Variants in KDM5A observed in about 807,000 individuals in gnomAD.
KDM5A encodes lysine-specific demethylase 5A.
A neutral mutation model predicts 193.5 loss-of-function variants in KDM5A; 42 were observed. That is an observed-to-expected ratio of 0.22 (90% CI 0.17 to 0.28). The LOEUF is 0.28. Among genes scored for constraint, KDM5A ranks in the 10% least tolerant of loss-of-function variants. The probability of loss-of-function intolerance (pLI) is 1.00; values close to 1 mark genes in which losing one functional copy is unlikely to be tolerated. For missense variants in KDM5A, 1,692 were observed against 2,055.1 expected (o/e 0.82, Z 3.42); for synonymous variants, 796 against 718.1 (o/e 1.11, Z -1.73).
intron 10 of KDM5A, among the ~76,000 whole-genome samples, chr12:341,262 T>C (rs1011735665): frequency 1.3e-5 from 2 of 152,202 alleles, no homozygotes; most frequent in African/African-American, 4.8e-5. Flanking sequence ...TACATTTCTT[T>C]ATAGATACTT....
chr12:383,946 G>A (rs1358080440), intron 3 of KDM5A, 85 bp downstream of exon 3: 1 of 1,389,238 alleles, frequency 7.2e-7, no homozygotes, highest in African/African-American at 1.4e-5. Context: ...ATCCTCTATT[G>A]GAAGCAATGT....
At chr12:334,524 A>G in intron 10 of KDM5A, 102 bp from the exon 11 acceptor site, 1 of 837,516 alleles carries the variant, frequency 1.2e-6, no homozygotes, top group Non-Finnish European at 2.0e-6. Context: ...TAATATTTAT[A>G]ATAGTCTAGT....
rs764559792 is a variant in KDM5A, at chr12:362,991, G to A, written c.644C>T (p.Pro215Leu). The A allele has an allele frequency of 1.5e-5, 24 of 1,613,892 alleles. No individual in the cohort carries two copies. Among genetic ancestry groups the A allele is most frequent in the East Asian group, 2.2e-5 (1 of 44,890 alleles). ...PEPGTRMNIL[P>L]KRTRRVKTQS... is the part of the protein sequence containing the mutation. ...AGTCTTCACACGTCTTGTTCTCTTC[G>A]GCAGAATGTTCATCCTTGTGCCTGG... Residue 215 changes from proline to leucine, a missense_variant, in exon 5 of 28, where the codon CCG (proline) becomes CTG (leucine). This residue lies in a region of KDM5A where 134 missense variants were observed against 124.2 expected (regional missense o/e 1.08). Transcript: ENST00000399788.
At chr12:300,828 TAAAA>T (rs1943432574) in intron 24 of KDM5A, among the ~76,000 whole-genome samples, 1 of 151,818 alleles carries the variant, frequency 6.6e-6, no homozygotes, top group Non-Finnish European at 1.5e-5. Flanking sequence ...ATAGATGCAA[TAAAA>T]AATGATAAAG....
chr12:300,437 G>C (rs1943427862), intron 24 of KDM5A, among the ~76,000 whole-genome samples: 1 of 152,008 alleles, frequency 6.6e-6, no homozygotes, highest in Non-Finnish European at 1.5e-5. Context: ...ATGACTACTG[G>C]GTACATAAAG....
chr12:309,879 T>G lies in KDM5A; in HGVS notation c.3302A>C (p.Lys1101Thr). 6.2e-7 allele frequency: 1 copy of G among 1,613,854 alleles called. No homozygotes were observed. The highest frequency in any genetic ancestry group is 8.5e-7 in the Non-Finnish European group (1 of 1,179,924). The change falls in exon 22 of 28, where the codon AAA (lysine) becomes ACA (threonine). Residue 1101 changes from lysine to threonine, a missense_variant. Lys to Thr is a moderately conservative substitution (Grantham distance 78). Around this residue, in one of 11 missense-constraint regions of KDM5A, gnomAD observed 965 missense variants for 1,061.0 expected, o/e 0.91. Transcript: ENST00000399788. ...KKVKELIEKE[K>T]EKDLDLEPLS... ...AGGCTCCAGGTCCAGATCCTTTTCT[T>G]TTTCTTTTTCTATTAGTTCTTTTAC...
intron 13 of KDM5A, among the ~76,000 whole-genome samples, chr12:329,643 T>C (rs1292764561): frequency 2.6e-5 from 4 of 152,030 alleles, no homozygotes; most frequent in Admixed American, 2.0e-4. Flanking sequence ...AGAAAGATAA[T>C]TCAAAGTGAA....
intron 13 of KDM5A, among the ~76,000 whole-genome samples, chr12:330,671 G>A (rs1943853773): frequency 6.6e-6 from 1 of 152,196 alleles, no homozygotes; most frequent in Admixed American, 6.5e-5. Context: ...CCTAAGCCTA[G>A]TCTTGTTCTT....
At chr12:382,020 AG>A (rs1944579508) in intron 3 of KDM5A, among the ~76,000 whole-genome samples, 1 of 152,112 alleles carries the variant, frequency 6.6e-6, no homozygotes, top group African/African-American at 2.4e-5. Context: ...TATGTTGCCT[AG>A]CCTGGTCTCG....
chr12:382,542 A>T (rs1944586843), intron 3 of KDM5A, among the ~76,000 whole-genome samples: 4 of 152,350 alleles, frequency 2.6e-5, no homozygotes, highest in Non-Finnish European at 5.9e-5. Context: ...AATAGTATAT[A>T]AATTATAAGA....
chr12:351,641 A>C (rs746648902), intron 9 of KDM5A, among the ~76,000 whole-genome samples: 25 of 152,174 alleles, frequency 1.6e-4, no homozygotes, highest in Non-Finnish European at 2.9e-5. Context: ...TCTGTAAAGG[A>C]TTACTCATAC....
intron 4 of KDM5A, among the ~76,000 whole-genome samples, chr12:363,501 G>A (rs1406879011): frequency 1.3e-5 from 2 of 152,150 alleles, no homozygotes; most frequent in Non-Finnish European, 2.9e-5. Flanking sequence ...ATGGTGGTGA[G>A]CTAAATCAGT....
Position 280,650 on chromosome 12 carries a change from C to T in KDM5A, c.*4806G>A. ...TTGCTTCTCTGAAGTAACTTGGGGTCTGAATTGGTTGTGAGCTTTAAGAAG... is the reference window on the plus strand; with the variant it reads ...TTGCTTCTCTGAAGTAACTTGGGGTTTGAATTGGTTGTGAGCTTTAAGAAG... On this transcript the variant is annotated 3_prime_UTR_variant, in exon 28 of 28. Transcript: ENST00000399788. 1 of 233,092 alleles carries T rather than the reference C, an allele frequency of 4.3e-6. No individual in the cohort carries two copies. The highest frequency in any genetic ancestry group is 8.5e-6 in the Non-Finnish European group (1 of 117,960). The allele number at this position is 233,092 out of a possible 1,614,324, so 14.4% of individuals were successfully genotyped here. A position where few individuals can be genotyped will look rare whatever the true frequency, so the allele number is the denominator to read the frequency against.
intron 3 of KDM5A, among the ~76,000 whole-genome samples, chr12:378,706 C>T (rs1944538536): frequency 6.6e-6 from 1 of 152,210 alleles, no homozygotes; most frequent in African/African-American, 2.4e-5. Context: ...CGCCTGTAAT[C>T]CCAGCACTTT....
chr12:293,492 T>G (rs1457043110), intron 26 of KDM5A, among the ~76,000 whole-genome samples: 1 of 152,054 alleles, frequency 6.6e-6, no homozygotes, highest in African/African-American at 2.4e-5. Context: ...TAAAAAAGAT[T>G]TATGGGCCAG....
intron 1 of KDM5A, among the ~76,000 whole-genome samples, chr12:387,699 T>A (rs2137504751): frequency 6.6e-6 from 1 of 152,332 alleles, no homozygotes; most frequent in Non-Finnish European, 1.5e-5. Flanking sequence ...TTTGGTGTTT[T>A]AACTTATCCA....
chr12:372,851 G>T (rs540940359), intron 3 of KDM5A, among the ~76,000 whole-genome samples: 2 of 152,124 alleles, frequency 1.3e-5, no homozygotes, highest in Non-Finnish European at 2.9e-5. Flanking sequence ...TGAGATAATT[G>T]TGTGGTTTTT....
rs1455428540 is a variant in KDM5A at position 353,799 on chromosome 12, G to A, written c.1029+277C>T. 2.0e-5 allele frequency among the ~76,000 whole-genome samples: 3 copies of A among 151,938 alleles called. No individual in the cohort carries two copies. In the East Asian group the frequency reaches 5.8e-4, roughly 29 times the overall value. The stretch of plus-strand genomic sequence containing the variant: ...TAGCTGGGCGTGGTGGCTCGCGCCT[G>A]TAGTCCCAGCTACTTCGGAGGCTGA... On this transcript the variant is annotated intron_variant, in intron 8 of 27. Transcript: ENST00000399788.
rs769454180 is a variant in KDM5A at position 328,860 on chromosome 12, C to T, written c.1943G>A (p.Arg648Gln). 5.0e-6 allele frequency: 8 copies of T among 1,613,944 alleles called. No homozygotes were observed. The highest frequency in any genetic ancestry group is 6.8e-6 in the Non-Finnish European group (8 of 1,180,028). The change falls in exon 14 of 28, where the codon CGA becomes CAA. Residue 648 changes from arginine to glutamine, a missense_variant. Arg to Gln is a conservative substitution (Grantham distance 43). Transcript: ENST00000399788. The part of the protein sequence containing the change: ...ELTLMTEEET[R>Q]LRESVVQMGV... ...CATCTGTACAACAGACTCTCTTAAT[C>T]GTGTTTCTTCTTCAGTCATGAGAGT...
Sources: allele counts gnomAD v4.1 joint callset (sites outside exome capture counted in the v4.1 genomes callset), GRCh38; gene constraint gnomAD v4.1.1; regional missense constraint gnomAD v4.1.1; transcripts MANE v1.5; gene names NCBI Gene and HGNC (gene_info 2026-07-23, HGNC 2026-07-21).